The following PXYLP1 variants were observed in gnomAD, a reference collection of about 807,000 sequenced individuals.
The protein encoded by PXYLP1 is 2-phosphoxylose phosphatase 1.
PXYLP1 carries 17 observed loss-of-function variants against 37.9 expected under a neutral mutation model. The ratio of observed to expected loss-of-function variants is 0.45; its 90% confidence interval spans 0.31 to 0.67. The LOEUF (loss-of-function observed/expected upper bound fraction) is 0.67. Ranked by LOEUF, PXYLP1 falls within the 30% of genes least tolerant of loss-of-function variation. The pLI, the probability that PXYLP1 is intolerant of heterozygous loss-of-function variation, is 0.07. For missense variants in PXYLP1, 511 were observed against 612.0 expected (o/e 0.84, Z 1.74); for synonymous variants, 221 against 232.2 (o/e 0.95, Z 0.44).
At chr3:141,278,904 C>T (rs560052256) in intron 3 of PXYLP1, among the ~76,000 whole-genome samples, 1 of 152,344 alleles carries the variant, frequency 6.6e-6, no homozygotes, top group South Asian at 2.1e-4. Flanking sequence ...CTGCTGGCGT[C>T]TTGCCATAGA....
chr3:141,262,378 A>G, intron 2 of PXYLP1: 13 of 1,042,004 alleles, frequency 1.2e-5, no homozygotes, highest in Non-Finnish European at 1.5e-5. Flanking sequence ...ATAAATTTTC[A>G]TTAAAAATTT....
At chr3:141,276,368 G>A (rs956325952) in intron 2 of PXYLP1, among the ~76,000 whole-genome samples, 4 of 152,044 alleles carry the variant, frequency 2.6e-5, no homozygotes, top group Non-Finnish European at 5.9e-5. Context: ...ATGCATTTAC[G>A]TAATAAACAA....
chr3:141,284,964 T>C (rs1002150602), intron 4 of PXYLP1, among the ~76,000 whole-genome samples: 3 of 152,100 alleles, frequency 2.0e-5, no homozygotes, highest in African/African-American at 7.2e-5. Context: ...TTCACTCACA[T>C]ATATTTTTAG....
intron 2 of PXYLP1, among the ~76,000 whole-genome samples, chr3:141,270,771 A>C (rs1941642519): frequency 6.6e-6 from 1 of 152,174 alleles, no homozygotes; most frequent in Non-Finnish European, 1.5e-5. Flanking sequence ...GCTTTTGTGA[A>C]GGGGTGGACG....
chr3:141,290,988 G>A (rs970500655), intron 5 of PXYLP1, among the ~76,000 whole-genome samples: 5 of 152,244 alleles, frequency 3.3e-5, no homozygotes, highest in African/African-American at 7.2e-5. Context: ...TTTGCAAAGC[G>A]TCTTGGAAGT....
chr3:141,290,823 C>A (rs1051761196), intron 5 of PXYLP1, among the ~76,000 whole-genome samples: 12 of 151,760 alleles, frequency 7.9e-5, no homozygotes, highest in Non-Finnish European at 1.5e-5. Flanking sequence ...AATAATATAC[C>A]TTCTTCATTG....
chr3:141,273,590 T>A lies in PXYLP1; in HGVS notation c.80-4752T>A, dbSNP rs1941720446. 3.0e-6 allele frequency: 3 copies of A among 985,432 alleles called. No homozygotes were observed. The Admixed American group carries it at 1.8e-4, about 60-fold the overall frequency. 61.0% of individuals were successfully genotyped at this position (985,432 alleles called of 1,614,324 possible). A position where few individuals can be genotyped will look rare whatever the true frequency, so the allele number is the denominator to read the frequency against. On this transcript the variant is annotated intron_variant, in intron 2 of 5. Coordinates refer to ENST00000286353, the MANE Select transcript of PXYLP1 (RefSeq NM_001037172.3). ...TGATTCTAAGAAATTTGTTGGTTGC[T>A]TTTGAGAGGGAGGGTCCCAAGGAGA...
At chr3:141,274,214 G>T in intron 2 of PXYLP1, 1 of 1,115,606 alleles carries the variant, frequency 9.0e-7, no homozygotes, top group Non-Finnish European at 1.1e-6. Context: ...CAAGCCTCAA[G>T]AGCTGATGTG....
chr3:141,271,228 T>A (rs1941655188), intron 2 of PXYLP1, among the ~76,000 whole-genome samples: 1 of 152,124 alleles, frequency 6.6e-6, no homozygotes. Flanking sequence ...GTCACACAGC[T>A]AGGAGGTAAC....
Position 141,293,268 on chromosome 3 carries a change from C to G in PXYLP1, c.*63C>G. ...ACAGAGCATAGGGAAAGGTCCACTT[C>G]TAGTTTTGTCTGTTACTAAGGGTAG... On this transcript the variant is annotated 3_prime_UTR_variant, in exon 6 of 6. Transcript: ENST00000286353. The G allele has an allele frequency of 6.9e-7, 1 of 1,455,184 alleles. No homozygotes were observed. Among genetic ancestry groups the G allele is most frequent in the Non-Finnish European group, 9.3e-7 (1 of 1,077,864 alleles). 90.1% of individuals were successfully genotyped at this position (1,455,184 alleles called of 1,614,324 possible). A position where few individuals can be genotyped will look rare whatever the true frequency, so the allele number is the denominator to read the frequency against.
Position 141,278,542 on chromosome 3 carries a change from A to T in PXYLP1, c.238+42A>T, listed in dbSNP as rs763869929. ...CACCAGGACAGATACCCCTTTGGGG[A>T]CTAGTTATTCCAGCAGCATTGCACA... is the stretch of plus-strand genomic sequence containing the variant. On this transcript the variant is annotated intron_variant, in intron 3 of 5. Coordinates refer to ENST00000286353, the MANE Select transcript of PXYLP1 (RefSeq NM_001037172.3). 6.2e-6 allele frequency: 10 copies of T among 1,607,810 alleles called. No homozygotes were observed. The South Asian group carries it at 1.1e-4, about 18-fold the overall frequency.
rs147787969 is a variant in PXYLP1 at position 141,277,685 on chromosome 3, G to A, written c.80-657G>A. Among the ~76,000 whole-genome samples the A allele has an allele frequency of 3.7e-4, 56 of 152,338 alleles. No homozygotes were observed. The East Asian group carries it at 0.01, about 27-fold the overall frequency. On this transcript the variant is annotated intron_variant, in intron 2 of 5. Transcript: ENST00000286353. ...GTCCAGCCTGACCACACGTGGTGGT[G>A]AAGGGTCAGCTCACTAATGGAATGA... is the stretch of plus-strand genomic sequence containing the variant.
intron 1 of PXYLP1, among the ~76,000 whole-genome samples, chr3:141,253,498 A>C (rs538163836): frequency 6.6e-6 from 1 of 152,294 alleles, no homozygotes; most frequent in East Asian, 1.9e-4. Flanking sequence ...CAGATGCACC[A>C]ACACCAATCT....
intron 5 of PXYLP1, among the ~76,000 whole-genome samples, chr3:141,287,934 TTAAC>T (rs1454284491): frequency 6.6e-6 from 1 of 152,272 alleles, no homozygotes; most frequent in African/African-American, 2.4e-5. Context: ...GATCATTTAT[TTAAC>T]TAATCTCATG....
rs547101565 is a variant in PXYLP1, at chr3:141,280,631, CTTAAGA to C, written c.365+1128_365+1133del. On this transcript the variant is annotated intron_variant, in intron 4 of 5. Coordinates refer to ENST00000286353, the MANE Select transcript of PXYLP1 (RefSeq NM_001037172.3). ...GTTGACTCATCATTATAAACAGGTA[CTTAAGA>C]GTAAGAGTGAGCAGGAACCCCGGTG... Among the ~76,000 whole-genome samples, 747 of 152,302 alleles carry C rather than the reference CTTAAGA, an allele frequency of 4.9e-3. 4 individuals are homozygous for C. Among genetic ancestry groups the C allele is most frequent in the African/African-American group, 0.017 (725 of 41,550 alleles).
At chr3:141,261,111 C>T (rs186232788) in intron 2 of PXYLP1, among the ~76,000 whole-genome samples, 1 of 152,290 alleles carries the variant, frequency 6.6e-6, no homozygotes, top group Admixed American at 6.5e-5. Flanking sequence ...GCCCTGAATC[C>T]TTGAACCTGT....
intron 2 of PXYLP1, among the ~76,000 whole-genome samples, chr3:141,260,537 C>T (rs1941368957): frequency 1.3e-5 from 2 of 152,216 alleles, no homozygotes; most frequent in South Asian, 2.1e-4. Context: ...TGCTTGACTT[C>T]TTATGCTGAA....
intron 2 of PXYLP1, among the ~76,000 whole-genome samples, chr3:141,272,363 T>TC (rs1941684568): frequency 6.6e-6 from 1 of 152,108 alleles, no homozygotes; most frequent in South Asian, 2.1e-4. Context: ...CCTGGCCTTT[T>TC]CCCTCCTTAT....
At chr3:141,265,891 G>A (rs1305214910) in intron 2 of PXYLP1, among the ~76,000 whole-genome samples, 1 of 152,212 alleles carries the variant, frequency 6.6e-6, no homozygotes, top group East Asian at 1.9e-4. Context: ...AGGAAGGGAA[G>A]TGGGACAGGG....
Sources: gnomAD v4.1 joint callset for allele counts (sites outside exome capture counted in the v4.1 genomes callset) on GRCh38, gnomAD v4.1.1 for gene constraint, MANE v1.5 for transcripts, NCBI Gene and HGNC (gene_info 2026-07-23, HGNC 2026-07-21) for gene names.